CHD6: variants seen among roughly 807,000 people sequenced by gnomAD.
CHD6 encodes chromodomain helicase DNA binding protein 6, also known as ATP-dependent chromatin remodeler CHD6.
Under a neutral mutation model 276.9 loss-of-function variants are expected in CHD6, and 50 were observed. That is an observed-to-expected ratio of 0.18 (90% CI 0.14 to 0.23). The LOEUF (loss-of-function observed/expected upper bound fraction) is 0.23, where lower values mean the gene tolerates loss of function less well. Ranked by LOEUF, CHD6 falls within the 10% of genes least tolerant of loss-of-function variation. The probability of loss-of-function intolerance (pLI) is 1.00; values close to 1 mark genes in which losing one functional copy is unlikely to be tolerated. For missense variants in CHD6, 2,564 were observed against 3,365.8 expected, an observed-to-expected ratio of 0.76 and a Z score of 5.89; for synonymous variants, 1,173 against 1,229.3, an observed-to-expected ratio of 0.95 and a Z score of 0.96.
intron 1 of CHD6, among the ~76,000 whole-genome samples, chr20:41,601,977 C>T (rs1269888679): frequency 6.6e-6 from 1 of 152,196 alleles, no homozygotes; most frequent in African/African-American, 2.4e-5. Flanking sequence ...GCTGATTACC[C>T]TCACCACACA....
chr20:41,457,881 T>A (rs2048425164), intron 17 of CHD6, among the ~76,000 whole-genome samples: 1 of 152,202 alleles, frequency 6.6e-6, no homozygotes, highest in Admixed American at 6.5e-5. Flanking sequence ...ACAATCTCGT[T>A]TATTTTTACC....
intron 20 of CHD6, among the ~76,000 whole-genome samples, 171 bp from the exon 21 acceptor site, chr20:41,453,113 G>C (rs1266050982): frequency 6.6e-6 from 1 of 152,166 alleles, no homozygotes; most frequent in African/African-American, 2.4e-5. Context: ...AGGACAAGCA[G>C]AGAAGATTCT....
At chr20:41,612,426 T>A (rs1727694782) in intron 1 of CHD6, among the ~76,000 whole-genome samples, 1 of 152,218 alleles carries the variant, frequency 6.6e-6, no homozygotes, top group South Asian at 2.1e-4. Context: ...TAAGTGATAT[T>A]ATACCAGGTT....
intron 4 of CHD6, among the ~76,000 whole-genome samples, chr20:41,514,234 G>A (rs1000148557): frequency 6.6e-6 from 1 of 152,144 alleles, no homozygotes; most frequent in African/African-American, 2.4e-5. Context: ...GAATATCAGA[G>A]GAAACAAAGC....
chr20:41,564,191 A>T, intron 1 of CHD6: 1 of 665,084 alleles, frequency 1.5e-6, no homozygotes, highest in Non-Finnish European at 2.7e-6. Context: ...TGAAATGAGA[A>T]GCCATCTACA....
At chr20:41,555,456 C>A (rs1431990475) in intron 1 of CHD6, among the ~76,000 whole-genome samples, 1 of 147,850 alleles carries the variant, frequency 6.8e-6, no homozygotes, top group African/African-American at 2.6e-5. Context: ...CGGGCGGAGA[C>A]GCTCCTCACT....
chr20:41,470,506 T>A (rs1453345342), intron 17 of CHD6, among the ~76,000 whole-genome samples: 1 of 152,208 alleles, frequency 6.6e-6, no homozygotes, highest in Non-Finnish European at 1.5e-5. Context: ...TCATTCAGGC[T>A]GAGCATTAGA....
intron 22 of CHD6, among the ~76,000 whole-genome samples, 190 bp from the exon 23 acceptor site, chr20:41,451,295 C>G (rs1381776019): frequency 2.0e-5 from 3 of 152,176 alleles, no homozygotes; most frequent in Non-Finnish European, 4.4e-5. Flanking sequence ...CCTTAGTAAA[C>G]AAATAAACTC....
chr20:41,515,841 CAG>C (rs2044236328), intron 3 of CHD6, among the ~76,000 whole-genome samples: 1 of 152,144 alleles, frequency 6.6e-6, no homozygotes, highest in South Asian at 2.1e-4. Context: ...TTGTATTCCT[CAG>C]AGTGAGTAGT....
chr20:41,495,552 C>T (rs548819202), intron 8 of CHD6, among the ~76,000 whole-genome samples: 1 of 151,946 alleles, frequency 6.6e-6, no homozygotes, highest in African/African-American at 2.4e-5. Flanking sequence ...ATGGTGATGA[C>T]AGTTAAACTA....
intron 11 of CHD6, 61 bp downstream of exon 11, chr20:41,491,637 C>T (rs1443806642): frequency 6.2e-7 from 1 of 1,606,340 alleles, no homozygotes; most frequent in African/African-American, 1.3e-5. Flanking sequence ...TCTAGGTGTT[C>T]CAGGCTAAGG....
intron 3 of CHD6, among the ~76,000 whole-genome samples, chr20:41,517,745 G>C (rs2044286917): frequency 6.6e-6 from 1 of 152,166 alleles, no homozygotes; most frequent in South Asian, 2.1e-4. Context: ...AGGGAGCCAG[G>C]ACAAATAATC....
intron 34 of CHD6, chr20:41,414,230 G>C (rs866762911): frequency 6.6e-5 from 10 of 152,216 alleles, no homozygotes; most frequent in African/African-American, 2.4e-4. Context: ...TGGCTTAGCA[G>C]TAAAGTTCTC....
intron 1 of CHD6, among the ~76,000 whole-genome samples, chr20:41,606,694 T>C (rs2045833434): frequency 1.3e-5 from 2 of 151,486 alleles, no homozygotes; most frequent in Admixed American, 1.3e-4. Context: ...AAAAAACTTA[T>C]CTCCTAGTCA....
chr20:41,406,342 C>T (rs987256093), intron 36 of CHD6, among the ~76,000 whole-genome samples: 2 of 152,242 alleles, frequency 1.3e-5, no homozygotes, highest in African/African-American at 4.8e-5. Context: ...TTCTGCTCCA[C>T]GTGGACCACA....
intron 1 of CHD6, among the ~76,000 whole-genome samples, chr20:41,599,454 A>G (rs1244902863): frequency 6.6e-6 from 1 of 152,106 alleles, no homozygotes; most frequent in Non-Finnish European, 1.5e-5. Flanking sequence ...CCCCCTTGCA[A>G]TTGCTATAGG....
chr20:41,442,083 C>T (rs537726866), intron 25 of CHD6, among the ~76,000 whole-genome samples: 22 of 152,234 alleles, frequency 1.4e-4, no homozygotes, highest in Middle Eastern at 3.4e-3. Flanking sequence ...GCTTGGAGAT[C>T]GATCTATGGC....
chr20:41,543,244 T>C lies in CHD6; in HGVS notation c.33+8061A>G, dbSNP rs552690912. On this transcript the variant is annotated intron_variant, in intron 2 of 36. Coordinates refer to ENST00000373233, the MANE Select transcript of CHD6 (RefSeq NM_032221.5). The stretch of plus-strand genomic sequence containing the variant: ...CATATTATGACTCCATTTTACAGAG[T>C]AGAAGCCTAGAGAGGCTAAATAACT... Among the ~76,000 whole-genome samples, 3 of 152,124 alleles carry C rather than the reference T, an allele frequency of 2.0e-5. No individual in the cohort carries two copies. The East Asian group carries it at 5.8e-4, about 29-fold the overall frequency.
At chr20:41,567,265 C>T (rs903342694) in intron 1 of CHD6, among the ~76,000 whole-genome samples, 2 of 152,172 alleles carry the variant, frequency 1.3e-5, no homozygotes, top group Non-Finnish European at 2.9e-5. Flanking sequence ...AACCAGTAAG[C>T]ACTTAAGTCC....
Sources: gnomAD v4.1 joint callset for allele counts (sites outside exome capture counted in the v4.1 genomes callset) on GRCh38, gnomAD v4.1.1 for gene constraint, MANE v1.5 for transcripts, NCBI Gene and HGNC (gene_info 2026-07-23, HGNC 2026-07-21) for gene names.